Variants in CLGN observed in about 807,000 individuals in gnomAD.
CLGN encodes the protein testis tissue sperm-binding protein Li 79P.
In CLGN, 62 loss-of-function variants were observed where a neutral mutation model predicts 79.1. The ratio of observed to expected loss-of-function variants is 0.78; its 90% CI spans 0.64 to 0.97. CLGN has a LOEUF of 0.97. Among genes scored for constraint, CLGN ranks in the 50% least tolerant of loss-of-function variants. The pLI, the probability that CLGN is intolerant of heterozygous loss-of-function variation, is 0.00. For missense variants in CLGN, 647 were observed against 715.5 expected (o/e 0.90, Z 1.09); for synonymous variants, 225 against 224.7 (o/e 1.00, Z -0.01).
At chr4:140,396,874 C>CATATATATATATATATAT (rs759900454) in intron 8 of CLGN, among the ~76,000 whole-genome samples, 1 of 109,538 alleles carries the variant, frequency 9.1e-6, no homozygotes, top group Non-Finnish European at 1.7e-5. Flanking sequence ...TATATATATA[C>CATATATATATATATATAT]ATATATATAT....
chr4:140,413,717 G>A (rs1729262972), intron 1 of CLGN, among the ~76,000 whole-genome samples: 1 of 152,182 alleles, frequency 6.6e-6, no homozygotes, highest in Non-Finnish European at 1.5e-5. Flanking sequence ...CGCCCACGGA[G>A]TCTCGCTGAT....
chr4:140,422,249 C>G (rs1729484281), intron 1 of CLGN, among the ~76,000 whole-genome samples: 2 of 152,080 alleles, frequency 1.3e-5, no homozygotes, highest in Admixed American at 6.6e-5. Flanking sequence ...ATTGTTCTGG[C>G]TATTTGGGGT....
chr4:140,409,181 C>T (rs1193244955), intron 4 of CLGN, among the ~76,000 whole-genome samples: 1 of 151,968 alleles, frequency 6.6e-6, no homozygotes, highest in African/African-American at 2.4e-5. Context: ...AAGAAATTAC[C>T]ACTATCAGTC....
chr4:140,421,389 C>A (rs1230471624), intron 1 of CLGN, among the ~76,000 whole-genome samples: 1 of 152,020 alleles, frequency 6.6e-6, no homozygotes, highest in African/African-American at 2.4e-5. Context: ...TCCACAGTGG[C>A]TTTACCATTT....
chr4:140,427,448 GGGGGAAGCAGC>G (rs1336098633), intron 1 of CLGN, 78 bp downstream of exon 1: 6 of 152,474 alleles, frequency 3.9e-5, no homozygotes, highest in African/African-American at 1.4e-4. Flanking sequence ...CGGGGTGCCT[GGGGGAAGCAGC>G]AACGACTCCG....
chr4:140,422,782 A>G (rs1479822345), intron 1 of CLGN, among the ~76,000 whole-genome samples: 2 of 151,856 alleles, frequency 1.3e-5, no homozygotes, highest in Admixed American at 1.3e-4. Flanking sequence ...TGCCCAGCTA[A>G]TGTTCTGTAT....
rs139111955 is a variant in CLGN, at chr4:140,395,067, C to T, written c.1149+752G>A. Among the ~76,000 whole-genome samples the T allele has an allele frequency of 1.7e-3, 264 of 151,872 alleles. 2 individuals are homozygous for T. Among genetic ancestry groups the T allele is most frequent in the African/African-American group, 6.1e-3 (254 of 41,426 alleles). On this transcript the variant is annotated intron_variant, in intron 10 of 14. Transcript: ENST00000325617. ...TGGGGTGTGCCTGTAATCTCAGCTACGTAGGAGGGTGAATCAGGAGAATCG... is the reference window on the plus strand; with the variant it reads ...TGGGGTGTGCCTGTAATCTCAGCTATGTAGGAGGGTGAATCAGGAGAATCG...
chr4:140,406,090 A>T lies in CLGN; in HGVS notation c.278-7T>A. 6.2e-7 allele frequency: 1 copy of T among 1,611,470 alleles called. No homozygotes were observed. The highest frequency in any genetic ancestry group is 2.2e-5 in the East Asian group (1 of 44,728). The stretch of plus-strand genomic sequence containing the variant: ...TCTTCAATTTCCCATCTTCCTAAAA[A>T]ATAAAGCAAAGCAAATTAAACTAAA... On this transcript the variant is annotated splice_region_variant and splice_polypyrimidine_tract_variant and intron_variant, in intron 4 of 14. Coordinates refer to ENST00000325617, the MANE Select transcript of CLGN (RefSeq NM_004362.3).
intron 1 of CLGN, among the ~76,000 whole-genome samples, chr4:140,417,052 A>C (rs1169835217): frequency 4.0e-5 from 6 of 150,348 alleles, no homozygotes; most frequent in Non-Finnish European, 7.4e-5. Flanking sequence ...CAATATACGC[A>C]AATCAATAAA....
chr4:140,392,817 G>A, intron 11 of CLGN, 106 bp from the exon 12 acceptor site: 1 of 1,030,650 alleles, frequency 9.7e-7, no homozygotes, highest in Non-Finnish European at 1.3e-6. Context: ...ACATTAAGGA[G>A]TGATGAACTC....
At position 140,413,598 on chromosome 4, in the gene CLGN, CG is replaced by C. The variant is rs1729259185; in HGVS notation, c.-9-512del. Reference sequence around the variant, plus strand: ...CCGAGTCAAAGAAAGGGGTGACGGACGGCACCTGGAAAATCGGGTCACTCCC... The same window carrying C: ...CCGAGTCAAAGAAAGGGGTGACGGACGCACCTGGAAAATCGGGTCACTCCC... On this transcript the variant is annotated intron_variant, in intron 1 of 14. Transcript: ENST00000325617. Among the ~76,000 whole-genome samples, 7 of 152,200 alleles carry C rather than the reference CG, an allele frequency of 4.6e-5. No homozygotes were observed. The South Asian group carries it at 1.4e-3, about 31-fold the overall frequency.
At chr4:140,414,340 G>A (rs1264668137) in intron 1 of CLGN, among the ~76,000 whole-genome samples, 1 of 151,200 alleles carries the variant, frequency 6.6e-6, no homozygotes, top group East Asian at 1.9e-4. Flanking sequence ...ACGGAACAAA[G>A]CTGGATGGAG....
intron 1 of CLGN, among the ~76,000 whole-genome samples, chr4:140,414,260 C>G (rs1203966911): frequency 6.6e-6 from 1 of 152,116 alleles, no homozygotes; most frequent in Non-Finnish European, 1.5e-5. Flanking sequence ...GAAAACAGAA[C>G]AGAAAAACTG....
rs200583755 is a variant in CLGN at position 140,389,235 on chromosome 4, G to A, written c.1822C>T (p.Arg608Ter). 400 of 1,611,808 alleles carry A rather than the reference G, an allele frequency of 2.5e-4. 3 individuals carry two copies. In the South Asian group the frequency reaches 3.6e-3, roughly 14 times the overall value. ...PIKSVRKRRV[R>*]KD ...TATTTCAATCTAGTTTAGTCCTTTC[G>A]TACTCTTCTTTTGCGTACTGACTTT... Residue 608 changes from arginine to a stop codon, truncating the protein, a stop_gained, in exon 15 of 15, where the codon CGA becomes TGA. Coordinates refer to ENST00000325617, the MANE Select transcript of CLGN (RefSeq NM_004362.3). LOFTEE classifies it high-confidence loss of function.
intron 1 of CLGN, among the ~76,000 whole-genome samples, chr4:140,426,469 C>G (rs888631364): frequency 6.6e-6 from 1 of 152,208 alleles, no homozygotes; most frequent in Non-Finnish European, 1.5e-5. Flanking sequence ...GAGATGAGAT[C>G]TAAATGTTAC....
At chr4:140,389,504 C>T (rs185206612) in intron 14 of CLGN, among the ~76,000 whole-genome samples, 200 bp from the exon 15 acceptor site, 226 of 151,832 alleles carry the variant, frequency 1.5e-3, no homozygotes, top group African/African-American at 5.2e-3. Flanking sequence ...GACACATACA[C>T]ATAAGAAGAC....
chr4:140,420,609 C>A (rs1321793451), intron 1 of CLGN, among the ~76,000 whole-genome samples: 1 of 151,756 alleles, frequency 6.6e-6, no homozygotes, highest in Non-Finnish European at 1.5e-5. Flanking sequence ...GCTGCAGTAT[C>A]CTATCATTCT....
At chr4:140,412,795 G>T in intron 2 of CLGN, 140 bp downstream of exon 2, 1 of 756,472 alleles carries the variant, frequency 1.3e-6, no homozygotes, top group Non-Finnish European at 2.0e-6. Context: ...AAAGTAATAA[G>T]ACACTTAGAA....
At chr4:140,398,110 T>C (rs1201498433) in intron 8 of CLGN, among the ~76,000 whole-genome samples, 3 of 152,188 alleles carry the variant, frequency 2.0e-5, no homozygotes, top group Non-Finnish European at 4.4e-5. Context: ...CTGATACCAA[T>C]GTCATCTTGA....
Sources: allele counts gnomAD v4.1 joint callset (sites outside exome capture counted in the v4.1 genomes callset), GRCh38; gene constraint gnomAD v4.1.1; transcripts MANE v1.5; gene names NCBI Gene and HGNC (gene_info 2026-07-23, HGNC 2026-07-21).